The following ENPP3 variants were observed in gnomAD, a reference collection of about 807,000 sequenced individuals.
ENPP3 encodes ectonucleotide pyrophosphatase/phosphodiesterase family member 3.
ENPP3 carries 104 observed loss-of-function variants against 117.8 expected under a neutral mutation model. That is an observed-to-expected ratio of 0.88 (90% CI 0.75 to 1.04). The LOEUF is 1.04. Among genes scored for constraint, ENPP3 ranks in the 50% least tolerant of loss-of-function variants. The pLI is 0.00. For synonymous variants in ENPP3, 380 were observed against 349.9 expected (o/e 1.09, Z -0.96); for missense variants, 1,026 against 1,051.9 (o/e 0.98, Z 0.34).
rs376892116 is a variant in ENPP3 at position 131,696,656 on chromosome 6, T to G, written c.1412+3032T>G. 6.0e-5 allele frequency among the ~76,000 whole-genome samples: 9 copies of G among 150,664 alleles called. No individual in the cohort carries two copies. In the East Asian group the frequency reaches 9.7e-4, roughly 16 times the overall value. ...AGGAAGGGGATTCGTTTTTTGTGGT[T>G]GTTGTTGTTGTTGTTTTTGCCAAAA... On this transcript the variant is annotated intron_variant, in intron 15 of 24. Coordinates refer to ENST00000357639, the MANE Select transcript of ENPP3 (RefSeq NM_005021.5).
In ENPP3 at chr6:131,685,495, T is replaced by G. The variant is rs764195814; in HGVS notation, c.1252T>G (p.Phe418Val). ...AHNIPHDFFSFNSEEIVRNLS... is the reference protein window; with the variant it reads ...AHNIPHDFFSVNSEEIVRNLS... ...TAATATACCTCATGACTTTTTTAGT[T>G]GTAAGTATGAAGACACCTATATGAA... Residue 418 changes from phenylalanine (F) to valine (V), a missense_variant and splice_region_variant, in exon 13 of 25, where the codon TTT (phenylalanine) becomes GTT (valine). Phe to Val is a conservative substitution (Grantham distance 50). Transcript: ENST00000357639. 6 of 1,613,262 alleles carry G rather than the reference T, an allele frequency of 3.7e-6. No homozygotes were observed. The highest frequency in any genetic ancestry group is 5.1e-6 in the Non-Finnish European group (6 of 1,179,776).
At chr6:131,673,725 A>G (rs891859105) in intron 7 of ENPP3, among the ~76,000 whole-genome samples, 2 of 152,108 alleles carry the variant, frequency 1.3e-5, no homozygotes, top group African/African-American at 4.8e-5. Context: ...AGACAGAAAG[A>G]AAGAAAGAAA....
At position 131,726,041 on chromosome 6, in the gene ENPP3, T is replaced by C. The variant is rs1341555704; in HGVS notation, c.1799-5T>C. On this transcript the variant is annotated splice_region_variant and splice_polypyrimidine_tract_variant and intron_variant, in intron 19 of 24. Transcript: ENST00000357639. ...CCTTTTTATTTTATGTTATTTTAAT[T>C]TTAGTAACAGCAACAGTGAAAGTAA... The C allele has an allele frequency of 6.2e-7, 1 of 1,601,368 alleles. No homozygotes were observed. The highest frequency in any genetic ancestry group is 8.5e-7 in the Non-Finnish European group (1 of 1,172,048).
intron 6 of ENPP3, among the ~76,000 whole-genome samples, chr6:131,665,784 T>G (rs986529545): frequency 3.9e-5 from 6 of 152,134 alleles, no homozygotes; most frequent in African/African-American, 1.4e-4. Flanking sequence ...TTGTTCCTTT[T>G]TCTGTTCCTT....
At chr6:131,743,502 A>T (rs1029817245) in intron 24 of ENPP3, among the ~76,000 whole-genome samples, 1 of 152,172 alleles carries the variant, frequency 6.6e-6, no homozygotes, top group African/African-American at 2.4e-5. Context: ...GGTGGCTATT[A>T]TAAAGGAATC....
chr6:131,732,092 C>T (rs182824636), intron 20 of ENPP3, among the ~76,000 whole-genome samples: 3 of 152,290 alleles, frequency 2.0e-5, no homozygotes, highest in African/African-American at 4.8e-5. Context: ...TTTCAGACAA[C>T]ATAGCTAATT....
chr6:131,710,088 A>G lies in ENPP3; in HGVS notation c.1413-8584A>G, dbSNP rs756957211. ...TCAGTTTCTTCAAAGCTCCTTTCGG[A>G]GGATCATCTAAGTTAGCACCATTTT... On this transcript the variant is annotated intron_variant, in intron 15 of 24. Coordinates refer to ENST00000357639, the MANE Select transcript of ENPP3 (RefSeq NM_005021.5). 7 of 1,613,860 alleles carry G rather than the reference A, an allele frequency of 4.3e-6. No individual in the cohort carries two copies. In the South Asian group the frequency reaches 5.5e-5, roughly 13 times the overall value.
intron 24 of ENPP3, among the ~76,000 whole-genome samples, chr6:131,745,165 T>C (rs1351358805): frequency 6.6e-6 from 1 of 151,660 alleles, no homozygotes; most frequent in Non-Finnish European, 1.5e-5. Flanking sequence ...AAAAAAGTGA[T>C]CAAAGATATT....
chr6:131,693,635 C>T lies in ENPP3; in HGVS notation c.1412+11C>T, dbSNP rs773265754. The T allele has an allele frequency of 2.5e-6, 4 of 1,611,942 alleles. No homozygotes were observed. The East Asian group carries it at 8.9e-5, about 36-fold the overall frequency. On this transcript the variant is annotated intron_variant, in intron 15 of 24. Coordinates refer to ENST00000357639, the MANE Select transcript of ENPP3 (RefSeq NM_005021.5). The stretch of plus-strand genomic sequence containing the variant: ...GTGGCTGGCTGTTAGGTTCGTGTAT[C>T]TGTTTACTTATCTCATAATGCCTTT...
At chr6:131,746,522 C>CA (rs1242473159) in intron 24 of ENPP3, among the ~76,000 whole-genome samples, 1 of 151,908 alleles carries the variant, frequency 6.6e-6, no homozygotes, top group Admixed American at 6.6e-5. Flanking sequence ...ACTTCATCTG[C>CA]AATATTTAAT....
At chr6:131,653,121 C>T (rs1175079657) in intron 5 of ENPP3, among the ~76,000 whole-genome samples, 15 of 151,952 alleles carry the variant, frequency 9.9e-5, no homozygotes, top group African/African-American at 1.7e-4. Flanking sequence ...TGTCTTACAA[C>T]GACGACTTTA....
chr6:131,671,468 C>T (rs1410750908), intron 7 of ENPP3, 141 bp downstream of exon 7: 2 of 637,942 alleles, frequency 3.1e-6, no homozygotes, highest in South Asian at 1.9e-5. Flanking sequence ...TGAATTCAGG[C>T]TGTGAAGGAA....
chr6:131,668,366 C>T (rs1009223785), intron 6 of ENPP3, among the ~76,000 whole-genome samples: 7 of 151,934 alleles, frequency 4.6e-5, no homozygotes, highest in African/African-American at 1.7e-4. Flanking sequence ...AGGCACGCGC[C>T]ACTGCACTGG....
chr6:131,671,238 T>G lies in ENPP3; in HGVS notation c.563-10T>G, dbSNP rs1251859869. ...ACAACTTCCTAATTTCTCACCATATTCTGTTGCAGAAACATGTGGAATTCA... is the reference window on the plus strand; with the variant it reads ...ACAACTTCCTAATTTCTCACCATATGCTGTTGCAGAAACATGTGGAATTCA... On this transcript the variant is annotated splice_polypyrimidine_tract_variant and intron_variant, in intron 6 of 24. Coordinates refer to ENST00000357639, the MANE Select transcript of ENPP3 (RefSeq NM_005021.5). 6.5e-7 allele frequency: 1 copy of G among 1,528,170 alleles called. No homozygotes were observed. The highest frequency in any genetic ancestry group is 9.1e-7 in the Non-Finnish European group (1 of 1,103,242). The allele number at this position is 1,528,170 out of a possible 1,614,324, so 94.7% of individuals were successfully genotyped here. A position where few individuals can be genotyped will look rare whatever the true frequency, so the allele number is the denominator to read the frequency against.
At chr6:131,646,850 T>C (rs1268111949) in intron 2 of ENPP3, among the ~76,000 whole-genome samples, 1 of 151,932 alleles carries the variant, frequency 6.6e-6, no homozygotes, top group East Asian at 1.9e-4. Context: ...CTTTTTCTGC[T>C]TCTATCTTCG....
At chr6:131,640,685 C>G (rs1778022905) in intron 1 of ENPP3, among the ~76,000 whole-genome samples, 1 of 152,120 alleles carries the variant, frequency 6.6e-6, no homozygotes. Context: ...GATTACGTGT[C>G]TTTCTGCCAT....
chr6:131,698,233 A>G (rs1358699218), intron 15 of ENPP3, among the ~76,000 whole-genome samples: 2 of 151,408 alleles, frequency 1.3e-5, no homozygotes, highest in African/African-American at 2.4e-5. Context: ...TCTAGGACAC[A>G]AAACACCGGT....
rs371737976 is a variant in ENPP3 at position 131,639,265 on chromosome 6, A to ATATATATT, written c.78+1804_78+1805insATATATTT. Among the ~76,000 whole-genome samples the ATATATATT allele has an allele frequency of 2.2e-3, 232 of 107,176 alleles. 1 individual carries two copies. The highest frequency in any genetic ancestry group is 0.013 in the East Asian group (43 of 3,410). 70.3% of individuals were successfully genotyped at this position (107,176 alleles called of 152,430 possible). A position where few individuals can be genotyped will look rare whatever the true frequency, so the allele number is the denominator to read the frequency against. Reference sequence around the variant, plus strand: ...TATGCTAATATATATATATATATATATTTTTTTTTTTTTCTCTCTCTCTTT... The same window carrying ATATATATT: ...TATGCTAATATATATATATATATATATATATATTTTTTTTTTTTTTTCTCTCTCTCTTT... On this transcript the variant is annotated intron_variant, in intron 1 of 24. Transcript: ENST00000357639.
At chr6:131,688,402 A>G (rs1411853671) in intron 14 of ENPP3, among the ~76,000 whole-genome samples, 1 of 152,238 alleles carries the variant, frequency 6.6e-6, no homozygotes, top group Non-Finnish European at 1.5e-5. Flanking sequence ...AAAGCTAGAA[A>G]TGATTAAGCT....
Sources: allele counts gnomAD v4.1 joint callset (sites outside exome capture counted in the v4.1 genomes callset), GRCh38; gene constraint gnomAD v4.1.1; transcripts MANE v1.5; gene names NCBI Gene and HGNC (gene_info 2026-07-23, HGNC 2026-07-21).